NEK11: variants seen among roughly 807,000 people sequenced by gnomAD.
NEK11 encodes the protein serine/threonine-protein kinase Nek11.
NEK11 carries 72 observed loss-of-function variants against 80.7 expected under a neutral mutation model. The ratio of observed to expected loss-of-function variants is 0.89; its 90% CI spans 0.74 to 1.08. NEK11 has a LOEUF of 1.08. Among genes scored for constraint, NEK11 ranks in the 50% least tolerant of loss-of-function variants. The pLI, the probability that NEK11 is intolerant of heterozygous loss-of-function variation, is 0.00. For synonymous variants in NEK11, 251 were observed against 260.7 expected (o/e 0.96, Z 0.36); for missense variants, 764 against 763.6 (o/e 1.00, Z -0.01).
At chr3:131,171,386 C>CT (rs1373088619) in intron 14 of NEK11, among the ~76,000 whole-genome samples, 14 of 152,188 alleles carry the variant, frequency 9.2e-5, no homozygotes, top group African/African-American at 3.1e-4. Flanking sequence ...TTCCTGATGC[C>CT]TTTGCTACCT....
intron 3 of NEK11, among the ~76,000 whole-genome samples, chr3:131,064,602 A>G (rs1175824658): frequency 6.6e-6 from 1 of 152,180 alleles, no homozygotes; most frequent in Non-Finnish European, 1.5e-5. Flanking sequence ...AATTCAATCC[A>G]TAATAAGGAT....
At position 131,349,703 on chromosome 3, in the gene NEK11, A is replaced by G; in HGVS notation, c.1865A>G (p.Asp622Gly). The change falls in exon 18 of 18, where the codon GAC becomes GGC. Residue 622 changes from aspartate (D) to glycine (G), a missense_variant. Transcript: ENST00000383366. Reference protein sequence around the residue: ...VPQASDCFEVDQLLYFEEQLL... With the variant: ...VPQASDCFEVGQLLYFEEQLL... ...CAAGCCAGCGACTGTTTTGAAGTGG[A>G]CCAGCTCCTGTACTTTGAAGAGCAG... 2 of 1,614,120 alleles carry G rather than the reference A, an allele frequency of 1.2e-6. No homozygotes were observed. Among genetic ancestry groups the G allele is most frequent in the South Asian group, 2.2e-5 (2 of 91,084 alleles).
At chr3:131,112,801 G>A (rs551164634) in intron 5 of NEK11, among the ~76,000 whole-genome samples, 21 of 152,256 alleles carry the variant, frequency 1.4e-4, no homozygotes, top group African/African-American at 4.8e-4. Context: ...AACTTTTAGA[G>A]AGAATCATGA....
intron 14 of NEK11, among the ~76,000 whole-genome samples, chr3:131,196,917 G>A (rs917036919): frequency 6.6e-6 from 1 of 151,244 alleles, no homozygotes; most frequent in Non-Finnish European, 1.5e-5. Context: ...CCCATACAAA[G>A]GGAGGGGACC....
intron 14 of NEK11, among the ~76,000 whole-genome samples, chr3:131,182,257 G>A (rs1346805090): frequency 6.6e-6 from 1 of 151,654 alleles, no homozygotes; most frequent in African/African-American, 2.4e-5. Flanking sequence ...TTTTTCTCTT[G>A]CTTCTAAAAA....
At chr3:131,047,454 TCTCATGAGGGTG>T (rs1410887756) in intron 3 of NEK11, among the ~76,000 whole-genome samples, 1 of 152,222 alleles carries the variant, frequency 6.6e-6, no homozygotes, top group Non-Finnish European at 1.5e-5. Context: ...GATTCTTTTG[TCTCATGAGGGTG>T]CTCCCTTGAT....
intron 10 of NEK11, among the ~76,000 whole-genome samples, chr3:131,157,304 C>T (rs2090841566): frequency 6.6e-6 from 1 of 151,996 alleles, no homozygotes; most frequent in South Asian, 2.1e-4. Flanking sequence ...ATCTTGGTTA[C>T]TGAATTTTTT....
intron 14 of NEK11, among the ~76,000 whole-genome samples, chr3:131,225,103 G>T (rs1346411689): frequency 2.0e-5 from 3 of 152,194 alleles, no homozygotes; most frequent in Non-Finnish European, 4.4e-5. Context: ...CTCACCCAGA[G>T]CAACTTCCAG....
intron 15 of NEK11, among the ~76,000 whole-genome samples, chr3:131,230,027 G>A (rs2095299244): frequency 6.6e-6 from 1 of 152,106 alleles, no homozygotes; most frequent in Non-Finnish European, 1.5e-5. Flanking sequence ...ATAAACAACT[G>A]TAACGGATAT....
chr3:131,210,293 T>G lies in NEK11; in HGVS notation c.1400-18235T>G, dbSNP rs559247269. 1.4e-4 allele frequency among the ~76,000 whole-genome samples: 22 copies of G among 152,344 alleles called. No homozygotes were observed. The East Asian group carries it at 4.2e-3, about 29-fold the overall frequency. On this transcript the variant is annotated intron_variant, in intron 14 of 17. Transcript: ENST00000383366. Reference sequence around the variant, plus strand: ...TGTAGTTGTGTGGTTTTGAGTGAGTTTCTTAATCCTGAGTTCTAGTTTGAT... The same window carrying G: ...TGTAGTTGTGTGGTTTTGAGTGAGTGTCTTAATCCTGAGTTCTAGTTTGAT...
At chr3:131,248,020 TA>T (rs1338984099) in intron 16 of NEK11, among the ~76,000 whole-genome samples, 2 of 152,138 alleles carry the variant, frequency 1.3e-5, no homozygotes, top group Non-Finnish European at 2.9e-5. Flanking sequence ...TTTCTAGGTA[TA>T]AGATCATATG....
At position 131,195,793 on chromosome 3, in the gene NEK11, AATATAT is replaced by A. The variant is rs58272752; in HGVS notation, c.1399+24928_1399+24933del. 2.8e-3 allele frequency among the ~76,000 whole-genome samples: 374 copies of A among 133,810 alleles called. 2 individuals carry two copies. Among genetic ancestry groups the A allele is most frequent in the South Asian group, 0.01 (45 of 4,422 alleles). The allele number at this position is 133,810 out of a possible 152,430, so 87.8% of individuals were successfully genotyped here. On this transcript the variant is annotated intron_variant, in intron 14 of 17. Transcript: ENST00000383366. ...TATATATAAAGAATATATATTTCAG[AATATAT>A]ATATATATATATATATATATAAAAT...
At chr3:131,058,806 T>C (rs1006354032) in intron 3 of NEK11, among the ~76,000 whole-genome samples, 2 of 152,148 alleles carry the variant, frequency 1.3e-5, no homozygotes, top group East Asian at 1.9e-4. Context: ...CACAGACAAG[T>C]CTGTCTGGGT....
intron 5 of NEK11, among the ~76,000 whole-genome samples, chr3:131,129,763 G>A (rs2084080979): frequency 6.6e-6 from 1 of 152,084 alleles, no homozygotes; most frequent in Non-Finnish European, 1.5e-5. Flanking sequence ...TATTCACGCA[G>A]TTTTATTTCT....
intron 4 of NEK11, among the ~76,000 whole-genome samples, chr3:131,089,877 A>C (rs2076489815): frequency 6.6e-6 from 1 of 152,182 alleles, no homozygotes; most frequent in African/African-American, 2.4e-5. Context: ...TATTTAATGG[A>C]GATATGGTAG....
At chr3:131,127,815 A>G (rs1175421014) in intron 5 of NEK11, among the ~76,000 whole-genome samples, 1 of 149,326 alleles carries the variant, frequency 6.7e-6, no homozygotes, top group Non-Finnish European at 1.5e-5. Context: ...GAACTGAAAT[A>G]GTTTAACTGT....
At chr3:131,066,048 G>T (rs2071874760) in intron 3 of NEK11, among the ~76,000 whole-genome samples, 1 of 152,138 alleles carries the variant, frequency 6.6e-6, no homozygotes, top group Non-Finnish European at 1.5e-5. Context: ...GTATGAAAAG[G>T]ATATCACAGA....
chr3:131,348,166 C>T (rs1186458132), intron 17 of NEK11, among the ~76,000 whole-genome samples: 1 of 151,938 alleles, frequency 6.6e-6, no homozygotes, highest in Non-Finnish European at 1.5e-5. Context: ...CACATAATAG[C>T]CCAACTCCTA....
intron 7 of NEK11, among the ~76,000 whole-genome samples, chr3:131,150,252 A>G (rs953431531): frequency 6.6e-6 from 1 of 151,800 alleles, no homozygotes; most frequent in Non-Finnish European, 1.5e-5. Flanking sequence ...TATATTGTCA[A>G]TTTTGGTAAA....
Sources: allele counts gnomAD v4.1 joint callset (sites outside exome capture counted in the v4.1 genomes callset), GRCh38; gene constraint gnomAD v4.1.1; transcripts MANE v1.5; gene names NCBI Gene and HGNC (gene_info 2026-07-23, HGNC 2026-07-21).